Variants in SLC35F4 observed in about 807,000 individuals in gnomAD.
SLC35F4 encodes the protein solute carrier family 35 member F4.
SLC35F4 carries 24 observed loss-of-function variants against 44.2 expected under a neutral mutation model. That is an observed-to-expected ratio of 0.54 (90% CI 0.39 to 0.76). The LOEUF is 0.76. Among genes scored for constraint, SLC35F4 ranks in the 30% least tolerant of loss-of-function variants. SLC35F4 has a pLI of 0.00. For missense variants in SLC35F4, 562 were observed against 586.1 expected (o/e 0.96, Z 0.42); for synonymous variants, 238 against 223.6 (o/e 1.06, Z -0.57).
At chr14:57,698,823 G>A (rs2075454678) in intron 1 of SLC35F4, among the ~76,000 whole-genome samples, 2 of 151,890 alleles carry the variant, frequency 1.3e-5, no homozygotes, top group Non-Finnish European at 2.9e-5. Context: ...AAGGGGTTTC[G>A]CCATGTTGGC....
intron 1 of SLC35F4, among the ~76,000 whole-genome samples, chr14:57,683,123 C>A (rs935928964): frequency 5.3e-5 from 8 of 152,110 alleles, no homozygotes. Context: ...TGGTTGTCTG[C>A]AAACACATAG....
At chr14:57,916,126 G>T (rs1207295621) in intron 1 of SLC35F4, among the ~76,000 whole-genome samples, 2 of 152,154 alleles carry the variant, frequency 1.3e-5, no homozygotes, top group African/African-American at 2.4e-5. Context: ...AGCGGGCAAG[G>T]GTCGTCCCAT....
intron 3 of SLC35F4, among the ~76,000 whole-genome samples, chr14:57,585,886 A>C (rs1056982957): frequency 1.3e-5 from 2 of 152,220 alleles, no homozygotes; most frequent in Non-Finnish European, 2.9e-5. Flanking sequence ...ATATCGTCAA[A>C]ATGGCCATAC....
intron 1 of SLC35F4, among the ~76,000 whole-genome samples, chr14:57,914,230 A>G (rs1351133126): frequency 6.6e-6 from 1 of 152,222 alleles, no homozygotes; most frequent in Non-Finnish European, 1.5e-5. Context: ...GCAGTCACAC[A>G]GGACAGAGCA....
At chr14:57,783,431 T>C (rs1224210018) in intron 1 of SLC35F4, among the ~76,000 whole-genome samples, 3 of 152,206 alleles carry the variant, frequency 2.0e-5, no homozygotes, top group South Asian at 2.1e-4. Context: ...CATTTATTAG[T>C]AAGAAAGAGA....
At chr14:57,734,003 T>C (rs111301444) in intron 1 of SLC35F4, among the ~76,000 whole-genome samples, 6 of 152,194 alleles carry the variant, frequency 3.9e-5, no homozygotes, top group Non-Finnish European at 8.8e-5. Context: ...TATTCAGCCA[T>C]GTCATCCCTC....
chr14:57,959,383 G>A (rs1890301422), intron 1 of SLC35F4, among the ~76,000 whole-genome samples: 1 of 152,180 alleles, frequency 6.6e-6, no homozygotes, highest in Non-Finnish European at 1.5e-5. Context: ...CAGTACATGT[G>A]TATCTGAAAT....
chr14:57,861,216 C>T (rs1448225482), intron 1 of SLC35F4, among the ~76,000 whole-genome samples: 1 of 152,154 alleles, frequency 6.6e-6, no homozygotes, highest in Non-Finnish European at 1.5e-5. Flanking sequence ...ATTTGGTGAT[C>T]TCTCTTTCTA....
intron 1 of SLC35F4, among the ~76,000 whole-genome samples, chr14:57,849,413 C>T (rs1256255171): frequency 4.6e-5 from 7 of 152,162 alleles, no homozygotes; most frequent in African/African-American, 1.4e-4. Flanking sequence ...CCACCTGCCT[C>T]GGCCTCCCAA....
chr14:57,630,750 C>G (rs2072730711), intron 1 of SLC35F4: 3 of 535,582 alleles, frequency 5.6e-6, no homozygotes, highest in Non-Finnish European at 9.7e-6. Flanking sequence ...TTTGGTTTAC[C>G]TAAATTATCA....
intron 1 of SLC35F4, among the ~76,000 whole-genome samples, chr14:57,594,530 T>TATAAGATAAAGACTCTTTTAGATA (rs2070380723): frequency 6.6e-6 from 1 of 152,226 alleles, no homozygotes; most frequent in Admixed American, 6.5e-5. Flanking sequence ...GGTCTGTGCC[T>TATAAGATAAAGACTCTTTTAGATA]ATAAGATAAA....
At chr14:57,963,500 G>T (rs769561293) in intron 1 of SLC35F4, among the ~76,000 whole-genome samples, 14 of 152,152 alleles carry the variant, frequency 9.2e-5, no homozygotes, top group Non-Finnish European at 1.9e-4. Flanking sequence ...AGGTCCTGCA[G>T]TGCTGTGTTC....
intron 1 of SLC35F4, among the ~76,000 whole-genome samples, chr14:57,646,201 C>T (rs1386699043): frequency 6.6e-6 from 1 of 152,164 alleles, no homozygotes; most frequent in East Asian, 1.9e-4. Context: ...AGGAATGGTA[C>T]CAGCTCCTCT....
Position 57,815,533 on chromosome 14 carries a change from G to A in SLC35F4, c.103+50190C>T, listed in dbSNP as rs143729726. Among the ~76,000 whole-genome samples the A allele has an allele frequency of 1.1e-4, 16 of 152,200 alleles. No individual in the cohort carries two copies. In the East Asian group the frequency reaches 2.9e-3, roughly 27 times the overall value. On this transcript the variant is annotated intron_variant, in intron 1 of 7. Transcript: ENST00000556826. Reference sequence around the variant, plus strand: ...GCTGAGACAAACTCTAAAACATTAAGATGTATAAGAAAGAAAAATAATTGA... The same window carrying A: ...GCTGAGACAAACTCTAAAACATTAAAATGTATAAGAAAGAAAAATAATTGA...
chr14:57,803,054 AG>A (rs2078229781), intron 1 of SLC35F4, among the ~76,000 whole-genome samples: 1 of 151,774 alleles, frequency 6.6e-6, no homozygotes, highest in African/African-American at 2.4e-5. Context: ...AAAAATCCTC[AG>A]TAAAATACTG....
chr14:57,751,001 TTATC>T (rs1300834036), intron 1 of SLC35F4, among the ~76,000 whole-genome samples: 3 of 152,158 alleles, frequency 2.0e-5, no homozygotes, highest in Non-Finnish European at 4.4e-5. Flanking sequence ...CCGTCTCCGT[TTATC>T]TAGCACACGT....
chr14:57,640,021 C>A (rs929038123), intron 1 of SLC35F4, among the ~76,000 whole-genome samples: 1 of 151,948 alleles, frequency 6.6e-6, no homozygotes, highest in African/African-American at 2.4e-5. Context: ...TTAAAAATTT[C>A]TCCTCTCCTC....
At chr14:57,964,191 G>C (rs1479737555) in intron 1 of SLC35F4, among the ~76,000 whole-genome samples, 1 of 152,156 alleles carries the variant, frequency 6.6e-6, no homozygotes, top group Non-Finnish European at 1.5e-5. Flanking sequence ...AGAGCCATGA[G>C]GAAGAAAGAG....
chr14:57,788,431 C>T (rs2077824002), intron 1 of SLC35F4, among the ~76,000 whole-genome samples: 1 of 152,068 alleles, frequency 6.6e-6, no homozygotes, highest in African/African-American at 2.4e-5. Flanking sequence ...CAAATATATA[C>T]AGAACATTTC....
Sources: gnomAD v4.1 joint callset for allele counts (sites outside exome capture counted in the v4.1 genomes callset) on GRCh38, gnomAD v4.1.1 for gene constraint, MANE v1.5 for transcripts, NCBI Gene and HGNC (gene_info 2026-07-23, HGNC 2026-07-21) for gene names.